The following SLIT3 variants were observed in gnomAD, a reference collection of about 807,000 sequenced individuals.
SLIT3 encodes slit guidance ligand 3.
In SLIT3, 68 loss-of-function variants were observed where a neutral mutation model predicts 184.0. That is an observed-to-expected ratio of 0.37 (90% confidence interval 0.30 to 0.45). The LOEUF (loss-of-function observed/expected upper bound fraction) is 0.45, where lower values mean the gene tolerates loss of function less well. Ranked by LOEUF, SLIT3 falls within the 20% of genes least tolerant of loss-of-function variation. The probability of loss-of-function intolerance (pLI) is 1.00; values close to 1 mark genes in which losing one functional copy is unlikely to be tolerated. For missense variants in SLIT3, 1,707 were observed against 2,026.0 expected (o/e 0.84, Z 3.02); for synonymous variants, 831 against 828.6 (o/e 1.00, Z -0.05).
At chr5:169,082,790 G>C (rs142864112) in intron 4 of SLIT3, among the ~76,000 whole-genome samples, 3 of 152,078 alleles carry the variant, frequency 2.0e-5, no homozygotes, top group African/African-American at 7.2e-5. Context: ...TTTATCTTTC[G>C]ACCTTACATG....
chr5:168,678,548 T>A (rs1761484451), intron 32 of SLIT3, among the ~76,000 whole-genome samples: 1 of 152,052 alleles, frequency 6.6e-6, no homozygotes, highest in South Asian at 2.1e-4. Flanking sequence ...CCGGGCGTGG[T>A]GGCGGGTGCC....
chr5:168,871,163 A>C (rs1230947644), intron 5 of SLIT3, among the ~76,000 whole-genome samples: 1 of 152,100 alleles, frequency 6.6e-6, no homozygotes, highest in African/African-American at 2.4e-5. Flanking sequence ...TCCTTCCCTG[A>C]ATCACGTGGT....
intron 4 of SLIT3, among the ~76,000 whole-genome samples, chr5:169,102,673 G>A (rs917730629): frequency 6.6e-6 from 1 of 152,172 alleles, no homozygotes; most frequent in Non-Finnish European, 1.5e-5. Flanking sequence ...GTTTGTGTGT[G>A]TAGCTAGAAA....
chr5:168,755,396 T>C (rs554040071), intron 16 of SLIT3, among the ~76,000 whole-genome samples: 12 of 14,506 alleles, frequency 8.3e-4, no homozygotes, highest in African/African-American at 6.1e-3. Context: ...GCCATTTCTT[T>C]CTTTCTTTCT....
chr5:168,945,551 G>C (rs1207267920), intron 4 of SLIT3, among the ~76,000 whole-genome samples: 1 of 152,194 alleles, frequency 6.6e-6, no homozygotes, highest in Non-Finnish European at 1.5e-5. Flanking sequence ...TCCGGTCTTA[G>C]GCAAGAGAGA....
chr5:169,231,026 T>C (rs1388427671), intron 3 of SLIT3, among the ~76,000 whole-genome samples: 2 of 152,192 alleles, frequency 1.3e-5, no homozygotes, highest in Non-Finnish European at 2.9e-5. Flanking sequence ...CCTTGAATAA[T>C]GGCATTTCCT....
At chr5:169,210,523 G>A (rs1764228645) in intron 3 of SLIT3, among the ~76,000 whole-genome samples, 1 of 152,198 alleles carries the variant, frequency 6.6e-6, no homozygotes, top group Non-Finnish European at 1.5e-5. Context: ...AAAATGATGT[G>A]TTGCTCAGCA....
chr5:168,882,057 C>T (rs1759974966), intron 5 of SLIT3, among the ~76,000 whole-genome samples: 1 of 152,216 alleles, frequency 6.6e-6, no homozygotes, highest in Admixed American at 6.5e-5. Flanking sequence ...CAAAAGCTTT[C>T]CGCTAAGTCC....
At chr5:169,026,295 G>C (rs1351952086) in intron 4 of SLIT3, 2 of 152,164 alleles carry the variant, frequency 1.3e-5, no homozygotes, top group African/African-American at 4.8e-5. Flanking sequence ...AAAGTATGTT[G>C]TTTTGCCATT....
intron 4 of SLIT3, among the ~76,000 whole-genome samples, chr5:169,135,391 C>T (rs34809358): frequency 0.054 from 8,125 of 151,792 alleles, 256 homozygotes; most frequent in Middle Eastern, 0.11. Context: ...GGATTACATA[C>T]GTGAGCCACC....
intron 4 of SLIT3, among the ~76,000 whole-genome samples, chr5:169,069,132 G>C (rs1351995647): frequency 6.6e-6 from 1 of 152,154 alleles, no homozygotes; most frequent in East Asian, 1.9e-4. Flanking sequence ...ACAATCCTTA[G>C]AGGTGATAAC....
chr5:169,098,690 G>A (rs1759885892), intron 4 of SLIT3, among the ~76,000 whole-genome samples: 1 of 152,216 alleles, frequency 6.6e-6, no homozygotes, highest in South Asian at 2.1e-4. Flanking sequence ...AATGACAGGA[G>A]GGTTAAGTGT....
At chr5:169,040,794 A>G (rs1757423276) in intron 4 of SLIT3, among the ~76,000 whole-genome samples, 2 of 152,238 alleles carry the variant, frequency 1.3e-5, no homozygotes, top group Admixed American at 6.5e-5. Context: ...GGTCTTGTGC[A>G]TGTACATTAT....
intron 26 of SLIT3, among the ~76,000 whole-genome samples, chr5:168,701,266 G>A (rs1481874857): frequency 1.3e-5 from 2 of 152,178 alleles, no homozygotes; most frequent in African/African-American, 4.8e-5. Context: ...ACTTGAGTAG[G>A]GAAGACTAAG....
rs1763132904 is a variant in SLIT3 at position 168,726,531 on chromosome 5, G to GGAGA, written c.2271-2048_2271-2047insTCTC. 4.6e-4 allele frequency among the ~76,000 whole-genome samples: 6 copies of GGAGA among 13,074 alleles called. 2 individuals carry two copies. The highest frequency in any genetic ancestry group is 1.1e-3 in the Non-Finnish European group (5 of 4,482). The allele number at this position is 13,074 out of a possible 152,430, so 8.6% of individuals were successfully genotyped here. On this transcript the variant is annotated intron_variant, in intron 20 of 35. Transcript: ENST00000519560. ...GAGGGAGAGGGAGGCAGGGAGGGAG[G>GGAGA]GAGGGAGGGGAGGGAGGGAGGCAGG...
intron 25 of SLIT3, among the ~76,000 whole-genome samples, chr5:168,710,399 C>A (rs1231872051): frequency 6.6e-6 from 1 of 151,996 alleles, no homozygotes. Flanking sequence ...ATCACATGTA[C>A]AAAAGTTTGC....
chr5:168,736,966 A>G (rs192207025), intron 20 of SLIT3, among the ~76,000 whole-genome samples: 1 of 152,332 alleles, frequency 6.6e-6, no homozygotes, highest in Non-Finnish European at 1.5e-5. Context: ...TGCCTTGAAG[A>G]GTTGTTAGCA....
chr5:169,273,702 T>C (rs1168712102), intron 1 of SLIT3, among the ~76,000 whole-genome samples: 1 of 152,172 alleles, frequency 6.6e-6, no homozygotes, highest in African/African-American at 2.4e-5. Context: ...GCTTTGAGGC[T>C]GAGTTTACAA....
chr5:169,113,215 C>T (rs1217587829), intron 4 of SLIT3, among the ~76,000 whole-genome samples: 2 of 152,136 alleles, frequency 1.3e-5, no homozygotes, highest in Non-Finnish European at 2.9e-5. Flanking sequence ...TCAATAGCAG[C>T]TCCTCATTTG....
Sources: allele counts gnomAD v4.1 joint callset (sites outside exome capture counted in the v4.1 genomes callset), GRCh38; gene constraint gnomAD v4.1.1; transcripts MANE v1.5; gene names NCBI Gene and HGNC (gene_info 2026-07-23, HGNC 2026-07-21).